SHANK2: variants seen among roughly 807,000 people sequenced by gnomAD.
SHANK2 encodes SH3 and multiple ankyrin repeat domains protein 2.
A neutral mutation model predicts 133.7 loss-of-function variants in SHANK2; 43 were observed. That is an observed-to-expected ratio of 0.32 (90% CI 0.25 to 0.41). The LOEUF is 0.41. SHANK2 is among the 10% of genes least tolerant of loss of function. The probability of loss-of-function intolerance (pLI) is 1.00; values close to 1 mark genes in which losing one functional copy is unlikely to be tolerated. For missense variants in SHANK2, 1,994 were observed against 2,235.8 expected (o/e 0.89, Z 2.18); for synonymous variants, 1,017 against 952.8 (o/e 1.07, Z -1.24).
At chr11:70,918,274 C>T (rs1950297535) in intron 10 of SHANK2, among the ~76,000 whole-genome samples, 1 of 152,188 alleles carries the variant, frequency 6.6e-6, no homozygotes, top group South Asian at 2.1e-4. Flanking sequence ...CCTAACAGGG[C>T]TCCTGCATCA....
At chr11:71,240,570 G>A (rs1245455815) in intron 1 of SHANK2, among the ~76,000 whole-genome samples, 1 of 152,160 alleles carries the variant, frequency 6.6e-6, no homozygotes, top group Non-Finnish European at 1.5e-5. Context: ...ACAAATCCAG[G>A]CTGCCCCATA....
At chr11:70,707,689 T>C (rs1945695873) in intron 14 of SHANK2, among the ~76,000 whole-genome samples, 1 of 152,174 alleles carries the variant, frequency 6.6e-6, no homozygotes, top group Non-Finnish European at 1.5e-5. Context: ...GAGGACAAGA[T>C]GAATGCACAC....
intron 10 of SHANK2, among the ~76,000 whole-genome samples, chr11:70,953,492 G>A (rs184433604): frequency 7.2e-5 from 11 of 152,182 alleles, no homozygotes; most frequent in Admixed American, 4.6e-4. Context: ...AAGAGTCCCC[G>A]GCAAGACACT....
At chr11:70,623,106 G>A (rs1259378892) in intron 17 of SHANK2, among the ~76,000 whole-genome samples, 1 of 152,116 alleles carries the variant, frequency 6.6e-6, no homozygotes, top group Non-Finnish European at 1.5e-5. Context: ...AACCCGGGAG[G>A]CGGAGTTTGC....
At chr11:71,073,142 C>CTTTTTTTTTTTTTTTTTTTTTTT (rs1951165821) in intron 9 of SHANK2, among the ~76,000 whole-genome samples, 1 of 41,090 alleles carries the variant, frequency 2.4e-5, no homozygotes, top group African/African-American at 4.6e-5. Flanking sequence ...TTTTCTTTTT[C>CTTTTTTTTTTTTTTTTTTTTTTT]TTTTCTTTTT....
chr11:70,767,985 G>A (rs1053098433), intron 14 of SHANK2, among the ~76,000 whole-genome samples: 4 of 152,080 alleles, frequency 2.6e-5, no homozygotes, highest in Non-Finnish European at 4.4e-5. Context: ...GCAGGGATCC[G>A]TGCAGAAAGG....
intron 10 of SHANK2, among the ~76,000 whole-genome samples, chr11:71,055,947 G>A (rs1016870026): frequency 0.064 from 9,730 of 151,832 alleles, 1,056 homozygotes; most frequent in African/African-American, 0.22. Flanking sequence ...TGGTTCAAAT[G>A]TTAAATGTGA....
chr11:71,246,098 G>A (rs1209893107), intron 1 of SHANK2, among the ~76,000 whole-genome samples: 1 of 152,112 alleles, frequency 6.6e-6, no homozygotes, highest in Non-Finnish European at 1.5e-5. Context: ...TTCTCCCCAG[G>A]GAAGGAATCC....
intron 4 of SHANK2, among the ~76,000 whole-genome samples, chr11:71,114,646 A>G (rs537354449): frequency 6.6e-6 from 1 of 152,276 alleles, no homozygotes; most frequent in Non-Finnish European, 1.5e-5. Flanking sequence ...TTCATTTCCC[A>G]GAACAGAGCA....
At chr11:71,200,713 A>C (rs1954001822) in intron 2 of SHANK2, among the ~76,000 whole-genome samples, 1 of 151,804 alleles carries the variant, frequency 6.6e-6, no homozygotes, top group African/African-American at 2.4e-5. Flanking sequence ...TTCTCTTCCC[A>C]CTGCTGTCAT....
chr11:70,497,003 T>C, intron 21 of SHANK2: 1 of 456,700 alleles, frequency 2.2e-6, no homozygotes, highest in Non-Finnish European at 4.4e-6. Context: ...CCCTTCCTAA[T>C]AACCCCAAAA....
chr11:70,617,273 G>A (rs1408625925), intron 17 of SHANK2, among the ~76,000 whole-genome samples: 1 of 151,646 alleles, frequency 6.6e-6, no homozygotes, highest in Non-Finnish European at 1.5e-5. Flanking sequence ...CAATGTCTAT[G>A]ATGGTGTATG....
intron 2 of SHANK2, among the ~76,000 whole-genome samples, chr11:71,192,161 T>G (rs1376072746): frequency 6.6e-6 from 1 of 152,166 alleles, no homozygotes; most frequent in Non-Finnish European, 1.5e-5. Context: ...ACACCCGGCC[T>G]TCATCTCATC....
At chr11:70,919,095 T>A (rs1950310754) in intron 10 of SHANK2, among the ~76,000 whole-genome samples, 1 of 151,996 alleles carries the variant, frequency 6.6e-6, no homozygotes, top group Admixed American at 6.6e-5. Flanking sequence ...TCCCAGGAGA[T>A]CGAGGCTGCA....
intron 12 of SHANK2, among the ~76,000 whole-genome samples, chr11:70,816,500 C>T (rs1171618448): frequency 6.6e-6 from 1 of 152,176 alleles, no homozygotes; most frequent in African/African-American, 2.4e-5. Flanking sequence ...TCTGGGTCAC[C>T]CAGGGCCCCC....
intron 2 of SHANK2, among the ~76,000 whole-genome samples, chr11:71,215,332 G>C (rs1399866177): frequency 6.6e-6 from 1 of 152,042 alleles, no homozygotes; most frequent in Non-Finnish European, 1.5e-5. Context: ...GGCCTCCCTG[G>C]CTCCCCTCAC....
chr11:71,144,146 G>A (rs1184267506), intron 3 of SHANK2, among the ~76,000 whole-genome samples: 3 of 152,166 alleles, frequency 2.0e-5, no homozygotes, highest in Admixed American at 1.3e-4. Flanking sequence ...AAGTGGGAGG[G>A]ACAGTGACAG....
chr11:70,798,147 A>T (rs1184097705), intron 14 of SHANK2, among the ~76,000 whole-genome samples: 2 of 151,720 alleles, frequency 1.3e-5, no homozygotes, highest in Non-Finnish European at 2.9e-5. Context: ...AATCTAATCA[A>T]CCCCCAAAAG....
At chr11:70,545,506 G>A (rs138973361) in intron 17 of SHANK2, among the ~76,000 whole-genome samples, 8 of 152,246 alleles carry the variant, frequency 5.3e-5, no homozygotes, top group East Asian at 1.9e-4. Flanking sequence ...TCCTCACCTC[G>A]GGGTCTTGGT....
Sources: gnomAD v4.1 joint callset for allele counts (sites outside exome capture counted in the v4.1 genomes callset) on GRCh38, gnomAD v4.1.1 for gene constraint, MANE v1.5 for transcripts, NCBI Gene and HGNC (gene_info 2026-07-23, HGNC 2026-07-21) for gene names.